Variants in ST6GALNAC5 observed in about 807,000 individuals in gnomAD.
ST6GALNAC5 encodes the protein ST6 N-acetylgalactosaminide alpha-2,6-sialyltransferase 5.
ST6GALNAC5 carries 27 observed loss-of-function variants against 33.6 expected under a neutral mutation model. The ratio of observed to expected loss-of-function variants is 0.80; its 90% CI spans 0.59 to 1.11. The LOEUF is 1.11. ST6GALNAC5 is among the 50% of genes least tolerant of loss of function. ST6GALNAC5 has a pLI of 0.00. For synonymous variants in ST6GALNAC5, 194 were observed against 171.2 expected, an observed-to-expected ratio of 1.13 and a Z score of -1.04; for missense variants, 428 against 454.0, an observed-to-expected ratio of 0.94 and a Z score of 0.52.
intron 2 of ST6GALNAC5, among the ~76,000 whole-genome samples, chr1:76,930,562 T>C (rs942797862): frequency 6.6e-6 from 1 of 152,186 alleles, no homozygotes; most frequent in African/African-American, 2.4e-5. Flanking sequence ...AACTCAAATA[T>C]ATTAATTTCA....
intron 2 of ST6GALNAC5, among the ~76,000 whole-genome samples, chr1:76,930,331 T>C (rs1647127526): frequency 7.1e-6 from 1 of 141,700 alleles, no homozygotes. Flanking sequence ...GTTGAATAAG[T>C]AAATAAACCC....
chr1:76,913,903 G>T (rs547341866), intron 2 of ST6GALNAC5, among the ~76,000 whole-genome samples: 11 of 152,264 alleles, frequency 7.2e-5, no homozygotes, highest in South Asian at 4.1e-4. Context: ...AAGTCAAATT[G>T]TCCCTGTTTG....
chr1:76,888,851 A>G (rs1277670639), intron 2 of ST6GALNAC5, among the ~76,000 whole-genome samples: 2 of 152,182 alleles, frequency 1.3e-5, no homozygotes, highest in African/African-American at 4.8e-5. Context: ...TGCATACATT[A>G]TGGAATGGCT....
At position 77,060,922 on chromosome 1, in the gene ST6GALNAC5, T is replaced by C. The variant is rs145395414; in HGVS notation, c.780-2053T>C. On this transcript the variant is annotated intron_variant, in intron 4 of 4. Coordinates refer to ENST00000477717, the MANE Select transcript of ST6GALNAC5 (RefSeq NM_030965.3). ...TAAAAGCTTAACCCCAAGCATACCA[T>C]GGCAACATGAAATTGGCATGGTTCC... 3.5e-3 allele frequency among the ~76,000 whole-genome samples: 536 copies of C among 152,298 alleles called. 4 individuals are homozygous for C. Among genetic ancestry groups the C allele is most frequent in the African/African-American group, 0.012 (496 of 41,568 alleles).
chr1:76,898,852 C>T (rs1342837704), intron 2 of ST6GALNAC5, among the ~76,000 whole-genome samples: 3 of 151,726 alleles, frequency 2.0e-5, no homozygotes, highest in Non-Finnish European at 2.9e-5. Flanking sequence ...CTCGGCCTGG[C>T]GAGGAAGGGA....
Position 76,882,816 on chromosome 1 carries a change from C to T in ST6GALNAC5, c.261+14074C>T, listed in dbSNP as rs151210938. Among the ~76,000 whole-genome samples the T allele has an allele frequency of 1.8e-3, 271 of 152,198 alleles. 1 individual carries two copies. Among genetic ancestry groups the T allele is most frequent in the African/African-American group, 6.1e-3 (252 of 41,516 alleles). ...TTCCCATTGCCTACAGGATCAAGTT[C>T]AGACCCTCAGGAAGGCTTGCAAGGC... On this transcript the variant is annotated intron_variant, in intron 2 of 4. Coordinates refer to ENST00000477717, the MANE Select transcript of ST6GALNAC5 (RefSeq NM_030965.3).
intron 2 of ST6GALNAC5, among the ~76,000 whole-genome samples, chr1:76,873,869 T>C (rs889964160): frequency 1.3e-5 from 2 of 152,218 alleles, no homozygotes; most frequent in African/African-American, 4.8e-5. Context: ...TGGTAAATAC[T>C]TGTTGAAGGC....
intron 2 of ST6GALNAC5, among the ~76,000 whole-genome samples, chr1:76,882,748 C>G (rs1219134485): frequency 9.9e-5 from 15 of 152,230 alleles, no homozygotes. Context: ...ATTGCATTTC[C>G]AACTTACAGA....
At chr1:77,043,326 G>C (rs1343257559) in intron 2 of ST6GALNAC5, among the ~76,000 whole-genome samples, 1 of 152,240 alleles carries the variant, frequency 6.6e-6, no homozygotes, top group African/African-American at 2.4e-5. Context: ...TGTTTTGAAA[G>C]CAAATCATTG....
chr1:77,000,060 C>G (rs202025781), intron 2 of ST6GALNAC5, among the ~76,000 whole-genome samples: 1 of 71,472 alleles, frequency 1.4e-5, no homozygotes, highest in East Asian at 6.3e-4. Context: ...CCTGAGGAAT[C>G]GCCACACTGA....
chr1:76,902,989 G>A (rs981058777), intron 2 of ST6GALNAC5, among the ~76,000 whole-genome samples: 4 of 152,002 alleles, frequency 2.6e-5, no homozygotes, highest in South Asian at 2.1e-4. Flanking sequence ...ATTTGCCAAC[G>A]AATTCTTAGG....
intron 2 of ST6GALNAC5, among the ~76,000 whole-genome samples, chr1:77,022,238 C>A (rs570684078): frequency 6.6e-6 from 1 of 152,304 alleles, no homozygotes; most frequent in African/African-American, 2.4e-5. Flanking sequence ...ATACCTGCAC[C>A]TTTCCTAGCA....
At chr1:77,062,886 C>A in intron 4 of ST6GALNAC5, 89 bp from the exon 5 acceptor site, 1 of 865,498 alleles carries the variant, frequency 1.2e-6, no homozygotes, top group Non-Finnish European at 1.8e-6. Context: ...CAATTTTTAT[C>A]AGCTTATTAA....
intron 4 of ST6GALNAC5, among the ~76,000 whole-genome samples, chr1:77,062,243 C>T (rs1233421497): frequency 6.6e-6 from 1 of 152,102 alleles, no homozygotes; most frequent in Admixed American, 6.6e-5. Flanking sequence ...AACAAGTAAA[C>T]AGCAACAACA....
At chr1:76,960,492 T>A (rs956422712) in intron 2 of ST6GALNAC5, among the ~76,000 whole-genome samples, 2 of 152,128 alleles carry the variant, frequency 1.3e-5, no homozygotes, top group African/African-American at 4.8e-5. Context: ...ATTGATAACA[T>A]CTTATCAGGA....
chr1:76,974,976 G>A (rs971705507), intron 2 of ST6GALNAC5, among the ~76,000 whole-genome samples: 2 of 151,180 alleles, frequency 1.3e-5, no homozygotes, highest in African/African-American at 2.4e-5. Context: ...TAGTAGAAAC[G>A]GGGTTTCACC....
chr1:77,037,189 G>A (rs1651673987), intron 2 of ST6GALNAC5, among the ~76,000 whole-genome samples: 1 of 152,154 alleles, frequency 6.6e-6, no homozygotes, highest in African/African-American at 2.4e-5. Context: ...TCAGTTTAAA[G>A]TTTGGCTTTT....
chr1:76,963,138 T>A (rs1005472982), intron 2 of ST6GALNAC5, among the ~76,000 whole-genome samples: 1 of 152,080 alleles, frequency 6.6e-6, no homozygotes, highest in African/African-American at 2.4e-5. Flanking sequence ...TAAGGCAGGG[T>A]TAAGTGAGAC....
At chr1:76,886,220 C>A (rs568122544) in intron 2 of ST6GALNAC5, among the ~76,000 whole-genome samples, 18 of 152,212 alleles carry the variant, frequency 1.2e-4, no homozygotes, top group Non-Finnish European at 2.9e-5. Context: ...CTTCTGATTT[C>A]TTTTTCATCT....
Sources: gnomAD v4.1 joint callset for allele counts (sites outside exome capture counted in the v4.1 genomes callset) on GRCh38, gnomAD v4.1.1 for gene constraint, MANE v1.5 for transcripts, NCBI Gene and HGNC (gene_info 2026-07-23, HGNC 2026-07-21) for gene names.